Variants in TECPR1 observed in about 807,000 individuals in gnomAD.
The protein encoded by TECPR1 is tectonin beta-propeller repeat containing 1.
Under a neutral mutation model 162.4 loss-of-function variants are expected in TECPR1, and 122 were observed. The observed-to-expected ratio is 0.75, with a 90% CI of 0.65 to 0.87. TECPR1 has a LOEUF of 0.87. Ranked by LOEUF, TECPR1 falls within the 40% of genes least tolerant of loss-of-function variation. The pLI is 0.00. For missense variants in TECPR1, 1,432 were observed against 1,618.2 expected, an observed-to-expected ratio of 0.88 and a Z score of 1.97; for synonymous variants, 642 against 670.6, an observed-to-expected ratio of 0.96 and a Z score of 0.66.
chr7:98,228,870 A>T, intron 16 of TECPR1, 169 bp downstream of exon 16: 1 of 985,194 alleles, frequency 1.0e-6, no homozygotes, highest in Non-Finnish European at 1.4e-6. Context: ...GGGTACTGGC[A>T]GGGACCATCC....
chr7:98,221,864 G>GCT, intron 22 of TECPR1, 111 bp from the exon 23 acceptor site: 2 of 797,214 alleles, frequency 2.5e-6, no homozygotes, highest in Non-Finnish European at 4.1e-6. Context: ...CCTGGTGTCA[G>GCT]CTGTGTGCCA....
At chr7:98,246,197 G>T (rs1252421531) in intron 2 of TECPR1, 32 bp from the exon 3 acceptor site, 2 of 1,436,308 alleles carry the variant, frequency 1.4e-6, no homozygotes, top group Non-Finnish European at 1.9e-6. Context: ...CAGCGTTCAG[G>T]CTCCCAGCCC....
chr7:98,225,614 C>T (rs948566538), intron 17 of TECPR1, among the ~76,000 whole-genome samples: 4 of 151,294 alleles, frequency 2.6e-5, no homozygotes, highest in African/African-American at 9.7e-5. Context: ...GACTTTCTTT[C>T]TCTCTTTCTT....
rs1293355481 is a variant in TECPR1, at chr7:98,222,451, A to G, written c.2999T>C (p.Val1000Ala). The change falls in exon 22 of 26, where the codon GTG becomes GCG. Residue 1000 changes from valine to alanine, a missense_variant. Physicochemically the swap from Val to Ala is moderately conservative, Grantham distance 64 (BLOSUM62 0). Coordinates refer to ENST00000447648, the MANE Select transcript of TECPR1 (RefSeq NM_015395.3). ...ASISIGACYQ[V>A]WAVARDGSAF... ...GGAGCCGTCCCTTGCCACGGCCCAC[A>G]CCTGGTAGCAGGCCCCGATGGAGAT... The G allele has an allele frequency of 1.3e-6, 2 of 1,595,644 alleles. No homozygotes were observed. Among genetic ancestry groups the G allele is most frequent in the Non-Finnish European group, 1.7e-6 (2 of 1,172,226 alleles).
At chr7:98,222,870 C>T (rs1236719307) in intron 21 of TECPR1, 120 bp downstream of exon 21, 1 of 1,357,806 alleles carries the variant, frequency 7.4e-7, no homozygotes, top group Non-Finnish European at 1.0e-6. Flanking sequence ...CAGGGACCCA[C>T]TCGGACCACA....
chr7:98,222,254 A>C, intron 22 of TECPR1, 132 bp downstream of exon 22: 1 of 1,310,446 alleles, frequency 7.6e-7, no homozygotes, highest in Non-Finnish European at 1.0e-6. Flanking sequence ...AGTCAGTCCC[A>C]GTGGGAGGGG....
intron 11 of TECPR1, 60 bp from the exon 12 acceptor site, chr7:98,233,032 G>A: frequency 6.6e-7 from 1 of 1,515,566 alleles, no homozygotes; most frequent in Non-Finnish European, 8.8e-7. Flanking sequence ...TGGGCAGGAA[G>A]CCACGGCGCT....
chr7:98,228,316 T>C (rs1798331282), intron 16 of TECPR1, among the ~76,000 whole-genome samples, 200 bp from the exon 17 acceptor site: 1 of 152,144 alleles, frequency 6.6e-6, no homozygotes, highest in South Asian at 2.1e-4. Flanking sequence ...ACCGTGATTA[T>C]TCTGGGATTG....
intron 10 of TECPR1, among the ~76,000 whole-genome samples, chr7:98,235,519 C>T (rs1798571661): frequency 1.9e-5 from 1 of 51,418 alleles, no homozygotes; most frequent in Non-Finnish European, 3.7e-5. Context: ...AGTGAGACTC[C>T]GTCTAAAAAA....
chr7:98,226,449 A>AC (rs1175315207), intron 17 of TECPR1: 16 of 1,006,744 alleles, frequency 1.6e-5, no homozygotes, highest in Admixed American at 5.8e-5. Flanking sequence ...TGGGTACAGA[A>AC]CGGTGAGGTC....
Position 98,231,377 on chromosome 7 carries a change from T to C in TECPR1, c.1975-4A>G. The C allele has an allele frequency of 6.3e-7, 1 of 1,595,712 alleles. No individual in the cohort carries two copies. On this transcript the variant is annotated splice_region_variant and splice_polypyrimidine_tract_variant and intron_variant, in intron 13 of 25. Transcript: ENST00000447648. ...CATTCAGGAATATGTGGATGTACTG[T>C]TCACAGAACAGGCGCCCGGCAGGGC...
chr7:98,246,086 C>CGTGTACACTCTCCCGAACAGGAGAG lies in TECPR1; in HGVS notation c.60_61insCTCTCCTGTTCGGGAGAGTGTACAC (p.Ala21LeufsTer39), dbSNP rs1251430819. The stretch of plus-strand genomic sequence containing the variant: ...TTGCACATTTCCCAGTACTGGCCTG[C>CGTGTACACTCTCCCGAACAGGAGAG]TGTGGACAGCGTGTACACTCTCCCG... On this transcript the variant is annotated frameshift_variant, in exon 3 of 26. Coordinates refer to ENST00000447648, the MANE Select transcript of TECPR1 (RefSeq NM_015395.3). LOFTEE classifies it high-confidence loss of function. 16 of 1,561,864 alleles carry CGTGTACACTCTCCCGAACAGGAGAG rather than the reference C, an allele frequency of 1.0e-5. No individual in the cohort carries two copies. In the South Asian group the frequency reaches 1.9e-4, roughly 18 times the overall value.
In TECPR1 at chr7:98,241,037, A is replaced by G. The variant is rs1798733694; in HGVS notation, c.832+33T>C. Reference sequence around the variant, plus strand: ...TGACCCTCACCCTTCTCCCCAGTACAGGGTATGTGGGTGGGGGAGCCGGGC... The same window carrying G: ...TGACCCTCACCCTTCTCCCCAGTACGGGGTATGTGGGTGGGGGAGCCGGGC... On this transcript the variant is annotated intron_variant, in intron 7 of 25. Transcript: ENST00000447648. The surrounding 1 kb of genome is among the most constrained non-coding windows in gnomAD (Gnocchi z 5.0). 6.3e-7 allele frequency: 1 copy of G among 1,592,194 alleles called. No homozygotes were observed. The highest frequency in any genetic ancestry group is 8.6e-7 in the Non-Finnish European group (1 of 1,168,994).
In TECPR1 at chr7:98,245,056, G is replaced by C. The variant is rs1371993877; in HGVS notation, c.237C>G (p.Pro79=). 1 of 1,587,784 alleles carries C rather than the reference G, an allele frequency of 6.3e-7. No homozygotes were observed. ...EEAYENQRWN[P]MGGFCEKLLL... is the part of the protein sequence containing the mutation. ...GGAGCTTCTCACAGAAGCCGCCCAT[G>C]GGATTCCAGCGCTGAGGGCCGGGGA... The change falls in exon 4 of 26, where the codon CCC becomes CCG. Residue 79 remains proline (P), a synonymous_variant. Transcript: ENST00000447648.
intron 10 of TECPR1, among the ~76,000 whole-genome samples, chr7:98,234,545 T>C (rs1006914718): frequency 6.6e-6 from 1 of 152,114 alleles, no homozygotes; most frequent in Non-Finnish European, 1.5e-5. Context: ...CTCTTGGATA[T>C]ACACCCAGCA....
At chr7:98,224,909 A>G in intron 18 of TECPR1, 29 bp from the exon 19 acceptor site, 5 of 1,553,354 alleles carry the variant, frequency 3.2e-6, no homozygotes, top group Non-Finnish European at 4.4e-6. Flanking sequence ...TGAGGATGGG[A>G]CCCCCCGAAT....
chr7:98,243,976 T>C (rs1002859195), intron 5 of TECPR1, among the ~76,000 whole-genome samples: 9 of 152,100 alleles, frequency 5.9e-5, no homozygotes, highest in African/African-American at 2.2e-4. Context: ...GGTGGGAGGA[T>C]TGCTTGAGCT....
chr7:98,220,361 T>A (rs569832543), intron 23 of TECPR1, among the ~76,000 whole-genome samples: 22 of 152,016 alleles, frequency 1.4e-4, no homozygotes, highest in South Asian at 6.2e-4. Context: ...AAAAAAAAAA[T>A]TTTTTAACGG....
At position 98,215,498 on chromosome 7, in the gene TECPR1, A is replaced by G. The variant is rs1797983213; in HGVS notation, c.*1892T>C. 6.6e-6 allele frequency: 1 copy of G among 152,252 alleles called. No homozygotes were observed. The allele number at this position is 152,252 out of a possible 1,614,324, so 9.4% of individuals were successfully genotyped here. On this transcript the variant is annotated 3_prime_UTR_variant, in exon 26 of 26. Coordinates refer to ENST00000447648, the MANE Select transcript of TECPR1 (RefSeq NM_015395.3). Reference sequence around the variant, plus strand: ...GTTTTAATCAACGTATCGATAAAAAACACCAGGGCACGGACACTCCAGGGG... The same window carrying G: ...GTTTTAATCAACGTATCGATAAAAAGCACCAGGGCACGGACACTCCAGGGG...
Sources: allele counts gnomAD v4.1 joint callset (sites outside exome capture counted in the v4.1 genomes callset), GRCh38; gene constraint gnomAD v4.1.1; non-coding constraint Gnocchi (gnomAD v3.1); transcripts MANE v1.5; gene names NCBI Gene and HGNC (gene_info 2026-07-23, HGNC 2026-07-21).